SKP1: variants seen among roughly 807,000 people sequenced by gnomAD.
SKP1 encodes S-phase kinase-associated protein 1.
A neutral mutation model predicts 21.5 loss-of-function variants in SKP1; 1 was observed. The ratio of observed to expected loss-of-function variants is 0.05; its 90% CI spans 0.02 to 0.22. SKP1 has a LOEUF of 0.22. SKP1 is among the 10% of genes least tolerant of loss of function. The pLI is 1.00. For missense variants in SKP1, 70 were observed against 192.0 expected, an observed-to-expected ratio of 0.36 and a Z score of 3.76; for synonymous variants, 59 against 59.3, an observed-to-expected ratio of 0.99 and a Z score of 0.03.
Position 134,158,527 on chromosome 5 carries a change from C to T in SKP1, c.384G>A (p.Lys128=). Residue 128 remains lysine, a synonymous_variant, in exon 5 of 6, where the codon AAG becomes AAA. Coordinates refer to ENST00000353411, the MANE Select transcript of SKP1 (RefSeq NM_170679.3). Reference sequence around the variant, plus strand: ...TGCGAATCTCCTCAGGAGTTTTCCCCTTGATCATATTGGCAACAGTCTTGC... The same window carrying T: ...TGCGAATCTCCTCAGGAGTTTTCCCTTTGATCATATTGGCAACAGTCTTGC... ...VTCKTVANMI[K]GKTPEEIRKT... is the part of the protein sequence containing the mutation. 1 of 1,613,744 alleles carries T rather than the reference C, an allele frequency of 6.2e-7. No homozygotes were observed. The highest frequency in any genetic ancestry group is 1.3e-5 in the African/African-American group (1 of 75,022).
Position 134,153,620 on chromosome 5 carries a change from G to T in SKP1, c.*4113C>A, listed in dbSNP as rs10066988. On this transcript the variant is annotated 3_prime_UTR_variant, in exon 6 of 6. Coordinates refer to ENST00000353411, the MANE Select transcript of SKP1 (RefSeq NM_170679.3). Reference sequence around the variant, plus strand: ...AAAAGTTAAGCTTGTAAAGGGTGCTGAGAGCAAGAGGTCTGCTGCTCTCTC... The same window carrying T: ...AAAAGTTAAGCTTGTAAAGGGTGCTTAGAGCAAGAGGTCTGCTGCTCTCTC... 0.047 allele frequency: 7,208 copies of T among 152,274 alleles called. 484 individuals are homozygous for T. Among genetic ancestry groups the T allele is most frequent in the African/African-American group, 0.15 (6,396 of 41,512 alleles). The allele number at this position is 152,274 out of a possible 1,614,324, so 9.4% of individuals were successfully genotyped here.
intron 5 of SKP1, 118 bp from the exon 6 acceptor site, chr5:134,157,886 A>G: frequency 6.3e-7 from 1 of 1,599,828 alleles, no homozygotes; most frequent in Non-Finnish European, 8.5e-7. Context: ...CAGATGGAAA[A>G]TTAGAACAAC....
chr5:134,170,843 T>C, intron 2 of SKP1: 1 of 370,986 alleles, frequency 2.7e-6, no homozygotes, highest in Non-Finnish European at 5.3e-6. Context: ...GACAGATTAG[T>C]GTGTCAGGCA....
chr5:134,174,505 T>C lies in SKP1; in HGVS notation c.1-483A>G, dbSNP rs900166502. ...ATCCAAAGAGTACATCAGAATATGC[T>C]CATTTATGTCTGAGGCAATGCAAGA... is the stretch of plus-strand genomic sequence containing the variant. On this transcript the variant is annotated intron_variant, in intron 1 of 5. Coordinates refer to ENST00000353411, the MANE Select transcript of SKP1 (RefSeq NM_170679.3). 9.2e-5 allele frequency: 90 copies of C among 982,602 alleles called. No homozygotes were observed. The African/African-American group carries it at 1.5e-3, about 16-fold the overall frequency. The allele number at this position is 982,602 out of a possible 1,614,324, so 60.9% of individuals were successfully genotyped here.
At position 134,164,322 on chromosome 5, in the gene SKP1, G is replaced by GAAAAAAAAA. The variant is rs55637997; in HGVS notation, c.171+2839_171+2847dup. On this transcript the variant is annotated intron_variant, in intron 3 of 5. Transcript: ENST00000353411. ...CAACAAGAGCAAAACTCCATCTCAA[G>GAAAAAAAAA]AAAAAAAAAAAAAAAAAAAAAAAAA... is the stretch of plus-strand genomic sequence containing the variant. 6.1e-4 allele frequency among the ~76,000 whole-genome samples: 75 copies of GAAAAAAAAA among 122,106 alleles called. 2 individuals are homozygous for GAAAAAAAAA. Among genetic ancestry groups the GAAAAAAAAA allele is most frequent in the African/African-American group, 2.2e-3 (68 of 31,574 alleles). 80.1% of individuals were successfully genotyped at this position (122,106 alleles called of 152,430 possible).
intron 3 of SKP1, among the ~76,000 whole-genome samples, chr5:134,163,689 C>T (rs1304267154): frequency 6.6e-6 from 1 of 151,982 alleles, no homozygotes; most frequent in Non-Finnish European, 1.5e-5. Context: ...ACTCGGGAGG[C>T]TGAGGTGAGA....
At position 134,152,516 on chromosome 5, in the gene SKP1, T is replaced by C. The variant is rs949962369; in HGVS notation, c.*5217A>G. On this transcript the variant is annotated 3_prime_UTR_variant, in exon 6 of 6. Transcript: ENST00000353411. ...CACCTTTCAGCTCTGTAGCCCCCCA[T>C]TGGCTCATTAATCTGTTCTGTCCAG... 1.1e-4 allele frequency: 16 copies of C among 152,282 alleles called. 1 individual carries two copies. The Middle Eastern group carries it at 0.01, about 97-fold the overall frequency. The allele number at this position is 152,282 out of a possible 1,614,324, so 9.4% of individuals were successfully genotyped here.
Position 134,158,369 on chromosome 5 carries a change from TAC to T in SKP1, c.456+84_456+85del. On this transcript the variant is annotated intron_variant, in intron 5 of 5. Coordinates refer to ENST00000353411, the MANE Select transcript of SKP1 (RefSeq NM_170679.3). ...TCCCTAAAGTATCAAGACTACTTGA[TAC>T]AGTCACCTCTTTTGCTGGCATGTTA... The T allele has an allele frequency of 4.3e-6, 7 of 1,610,204 alleles. No individual in the cohort carries two copies. The South Asian group carries it at 6.6e-5, about 15-fold the overall frequency.
Position 134,150,673 on chromosome 5 carries a change from T to C in SKP1, c.*7060A>G, listed in dbSNP as rs185590776. 1 of 152,338 alleles carries C rather than the reference T, an allele frequency of 6.6e-6. No individual in the cohort carries two copies. Among genetic ancestry groups the C allele is most frequent in the East Asian group, 1.9e-4 (1 of 5,172 alleles). 9.4% of individuals were successfully genotyped at this position (152,338 alleles called of 1,614,324 possible). On this transcript the variant is annotated 3_prime_UTR_variant, in exon 6 of 6. Transcript: ENST00000353411. ...GCTTTAAGAGTTCACCAAGGGTTTC[T>C]GAAACAGCTGCCCACCCAAGCAGAC...
chr5:134,159,740 G>A (rs1761185194), intron 4 of SKP1, among the ~76,000 whole-genome samples: 1 of 152,014 alleles, frequency 6.6e-6, no homozygotes, highest in Non-Finnish European at 1.5e-5. Flanking sequence ...GTAGAGACGG[G>A]GTTTCACCAT....
At position 134,152,960 on chromosome 5, in the gene SKP1, G is replaced by A. The variant is rs1469350167; in HGVS notation, c.*4773C>T. The A allele has an allele frequency of 6.6e-6, 1 of 152,182 alleles. No homozygotes were observed. The highest frequency in any genetic ancestry group is 1.9e-4 in the East Asian group (1 of 5,198). The allele number at this position is 152,182 out of a possible 1,614,324, so 9.4% of individuals were successfully genotyped here. On this transcript the variant is annotated 3_prime_UTR_variant, in exon 6 of 6. Coordinates refer to ENST00000353411, the MANE Select transcript of SKP1 (RefSeq NM_170679.3). ...AACCATGTCTAATGCTTCCTACCAA[G>A]GAGAAGCCAGGAGCTACACTTTAAG...
chr5:134,153,633 C>G lies in SKP1; in HGVS notation c.*4100G>C, dbSNP rs1761076145. 6.6e-6 allele frequency: 1 copy of G among 152,208 alleles called. No homozygotes were observed. Among genetic ancestry groups the G allele is most frequent in the South Asian group, 2.1e-4 (1 of 4,832 alleles). 9.4% of individuals were successfully genotyped at this position (152,208 alleles called of 1,614,324 possible). A position where few individuals can be genotyped will look rare whatever the true frequency, so the allele number is the denominator to read the frequency against. On this transcript the variant is annotated 3_prime_UTR_variant, in exon 6 of 6. Coordinates refer to ENST00000353411, the MANE Select transcript of SKP1 (RefSeq NM_170679.3). The stretch of plus-strand genomic sequence containing the variant: ...GTAAAGGGTGCTGAGAGCAAGAGGT[C>G]TGCTGCTCTCTCAATTTTCTCTTTT...
intron 3 of SKP1, among the ~76,000 whole-genome samples, chr5:134,162,147 AC>A (rs1320617778): frequency 6.6e-6 from 1 of 151,928 alleles, no homozygotes; most frequent in East Asian, 1.9e-4. Flanking sequence ...TCACTGTGTC[AC>A]CCAGGCTGGA....
At chr5:134,175,548 G>A (rs1054534174) in intron 1 of SKP1, 6 of 152,162 alleles carry the variant, frequency 3.9e-5, no homozygotes, top group African/African-American at 1.4e-4. Flanking sequence ...GAACAGTGCA[G>A]AATCACAAAT....
rs1761144529 is a variant in SKP1 at position 134,157,728 on chromosome 5, A to AC, written c.*4dup. Reference sequence around the variant, plus strand: ...TTACAGTGTTACAGTGTCAGGCACAACATTTCACTTCTCTTCACACCACTG... The same window carrying AC: ...TTACAGTGTTACAGTGTCAGGCACAACCATTTCACTTCTCTTCACACCACTG... On this transcript the variant is annotated 3_prime_UTR_variant, in exon 6 of 6. Transcript: ENST00000353411. The AC allele has an allele frequency of 6.2e-7, 1 of 1,610,398 alleles. No homozygotes were observed. The highest frequency in any genetic ancestry group is 1.7e-5 in the Admixed American group (1 of 60,002).
intron 1 of SKP1, among the ~76,000 whole-genome samples, chr5:134,176,168 A>C (rs575531255): frequency 1.3e-5 from 2 of 152,346 alleles, no homozygotes; most frequent in South Asian, 4.1e-4. Flanking sequence ...TACACAGTTA[A>C]GGCTCCTACA....
intron 2 of SKP1, among the ~76,000 whole-genome samples, chr5:134,170,074 C>G (rs563046597): frequency 6.6e-6 from 1 of 150,950 alleles, no homozygotes. Context: ...GAGGCTGAGG[C>G]AGGGGAATTG....
Position 134,151,752 on chromosome 5 carries a change from C to A in SKP1, c.*5981G>T. On this transcript the variant is annotated 3_prime_UTR_variant, in exon 6 of 6. Transcript: ENST00000353411. ...ACTACATTCCTCCCATAGAATGCTG[C>A]TCAATACTGGCACACAGACCAGAGG... The A allele has an allele frequency of 2.2e-6, 1 of 454,572 alleles. No individual in the cohort carries two copies. Among genetic ancestry groups the A allele is most frequent in the Non-Finnish European group, 4.4e-6 (1 of 225,878 alleles). 28.2% of individuals were successfully genotyped at this position (454,572 alleles called of 1,614,324 possible). A position where few individuals can be genotyped will look rare whatever the true frequency, so the allele number is the denominator to read the frequency against.
At chr5:134,170,535 T>C (rs1395652854) in intron 2 of SKP1, among the ~76,000 whole-genome samples, 1 of 152,204 alleles carries the variant, frequency 6.6e-6, no homozygotes, top group Admixed American at 6.5e-5. Flanking sequence ...TTTATTTTTG[T>C]TTTCTAAGTC....
Sources: allele counts gnomAD v4.1 joint callset (sites outside exome capture counted in the v4.1 genomes callset), GRCh38; gene constraint gnomAD v4.1.1; transcripts MANE v1.5; gene names NCBI Gene and HGNC (gene_info 2026-07-23, HGNC 2026-07-21).